The following STAG1 variants were observed in gnomAD, a reference collection of about 807,000 sequenced individuals.
STAG1 encodes STAG1 cohesin complex component, also known as cohesin subunit SA-1.
A neutral mutation model predicts 170.9 loss-of-function variants in STAG1; 26 were observed. The ratio of observed to expected loss-of-function variants is 0.15; its 90% confidence interval spans 0.11 to 0.21. STAG1 has a LOEUF of 0.21. Among genes scored for constraint, STAG1 ranks in the 10% least tolerant of loss-of-function variants. STAG1 has a pLI of 1.00. For missense variants in STAG1, 964 were observed against 1,509.5 expected (o/e 0.64, Z 5.99); for synonymous variants, 514 against 497.7 (o/e 1.03, Z -0.44).
intron 15 of STAG1, among the ~76,000 whole-genome samples, chr3:136,441,450 G>A (rs1559803203): frequency 6.6e-6 from 1 of 152,182 alleles, no homozygotes; most frequent in African/African-American, 2.4e-5. Flanking sequence ...AAAGGTCTGA[G>A]AAAAGTTTGG....
intron 12 of STAG1, among the ~76,000 whole-genome samples, chr3:136,469,349 CAGAG>C (rs1052678600): frequency 2.3e-4 from 35 of 152,056 alleles, no homozygotes; most frequent in African/African-American, 8.2e-4. Flanking sequence ...AACAGACAAA[CAGAG>C]AGCCAAATCA....
intron 1 of STAG1, among the ~76,000 whole-genome samples, chr3:136,712,231 T>C (rs1168661882): frequency 6.6e-6 from 1 of 152,128 alleles, no homozygotes; most frequent in Non-Finnish European, 1.5e-5. Flanking sequence ...TTAGCCAGGA[T>C]GGTCTCGATC....
chr3:136,349,454 T>A, intron 28 of STAG1, 91 bp from the exon 29 acceptor site: 2 of 903,816 alleles, frequency 2.2e-6, no homozygotes, highest in Non-Finnish European at 3.5e-6. Flanking sequence ...TTTCTGCAGG[T>A]TCTGAAGAAT....
At position 136,524,476 on chromosome 3, in the gene STAG1, C is replaced by A. The variant is rs1934882386; in HGVS notation, c.472-3059G>T. Among the ~76,000 whole-genome samples, 3 of 152,326 alleles carry A rather than the reference C, an allele frequency of 2.0e-5. No individual in the cohort carries two copies. In the South Asian group the frequency reaches 6.2e-4, roughly 32 times the overall value. ...CTGAGACTTTGCTGAAGTTGCTTATCAGCTTAAGGAGATTTTGGGCTGAGA... is the reference window on the plus strand; with the variant it reads ...CTGAGACTTTGCTGAAGTTGCTTATAAGCTTAAGGAGATTTTGGGCTGAGA... On this transcript the variant is annotated intron_variant, in intron 6 of 33. Coordinates refer to ENST00000383202, the MANE Select transcript of STAG1 (RefSeq NM_005862.3).
At chr3:136,470,519 C>T (rs554054888) in intron 12 of STAG1, among the ~76,000 whole-genome samples, 2 of 152,148 alleles carry the variant, frequency 1.3e-5, no homozygotes, top group Non-Finnish European at 2.9e-5. Flanking sequence ...GAAATAGGAA[C>T]ACTTTTACAC....
Position 136,422,758 on chromosome 3 carries a change from A to G in STAG1, c.1833+10T>C. Reference sequence around the variant, plus strand: ...ATAACAGCTGAATTTCAATTTCATAATATCATTACCTTTTCCATTCTACCT... The same window carrying G: ...ATAACAGCTGAATTTCAATTTCATAGTATCATTACCTTTTCCATTCTACCT... On this transcript the variant is annotated intron_variant, in intron 18 of 33. Coordinates refer to ENST00000383202, the MANE Select transcript of STAG1 (RefSeq NM_005862.3). 1 of 1,578,212 alleles carries G rather than the reference A, an allele frequency of 6.3e-7. No homozygotes were observed. The highest frequency in any genetic ancestry group is 2.2e-5 in the East Asian group (1 of 44,648).
chr3:136,723,995 C>G (rs1016526609), intron 1 of STAG1, among the ~76,000 whole-genome samples: 25 of 150,628 alleles, frequency 1.7e-4, no homozygotes, highest in Non-Finnish European at 3.4e-4. Flanking sequence ...GTCAGCCCCC[C>G]GCACAGCCAG....
At chr3:136,565,055 AGGGAGGGAGGG>A (rs1559882080) in intron 5 of STAG1, among the ~76,000 whole-genome samples, 14 of 3,822 alleles carry the variant, frequency 3.7e-3, no homozygotes, top group Admixed American at 3.1e-3. Flanking sequence ...GGAGGGAGGG[AGGGAGGGAGGG>A]AGGGAGGGAG....
intron 1 of STAG1, among the ~76,000 whole-genome samples, chr3:136,677,550 G>A (rs1202467101): frequency 1.3e-5 from 2 of 152,130 alleles, no homozygotes; most frequent in African/African-American, 4.8e-5. Flanking sequence ...AAATTATTAA[G>A]AGGTGGGGTC....
chr3:136,471,471 G>C (rs894177822), intron 12 of STAG1, among the ~76,000 whole-genome samples: 2 of 151,924 alleles, frequency 1.3e-5, no homozygotes, highest in African/African-American at 4.8e-5. Flanking sequence ...CCTATATTTA[G>C]AACATATATT....
chr3:136,484,102 C>G (rs2089948660), intron 9 of STAG1, among the ~76,000 whole-genome samples: 1 of 136,832 alleles, frequency 7.3e-6, no homozygotes, highest in South Asian at 2.5e-4. Flanking sequence ...CTCCATCCAG[C>G]TTTGTTCCGT....
At chr3:136,751,491 G>A (rs1045419870) in intron 1 of STAG1, among the ~76,000 whole-genome samples, 9 of 152,118 alleles carry the variant, frequency 5.9e-5, no homozygotes, top group African/African-American at 9.6e-5. Context: ...GCAAACTAGC[G>A]GGGCAGTGCT....
intron 1 of STAG1, among the ~76,000 whole-genome samples, chr3:136,686,919 G>A (rs1284075807): frequency 2.0e-5 from 3 of 152,128 alleles, no homozygotes; most frequent in Admixed American, 2.0e-4. Flanking sequence ...TTAAGCTGTG[G>A]AGTCAGCTAC....
intron 9 of STAG1, among the ~76,000 whole-genome samples, chr3:136,486,827 T>C (rs1338002331): frequency 1.3e-5 from 2 of 152,028 alleles, no homozygotes. Flanking sequence ...ACAACCAGTC[T>C]TACCTTTACG....
chr3:136,498,257 C>CACATATACAT (rs1553733396), intron 9 of STAG1, among the ~76,000 whole-genome samples: 1 of 83,676 alleles, frequency 1.2e-5, no homozygotes, highest in Non-Finnish European at 2.1e-5. Context: ...CATACACACA[C>CACATATACAT]ACACACACAC....
chr3:136,388,521 A>G (rs1022355139), intron 22 of STAG1, among the ~76,000 whole-genome samples: 1 of 152,052 alleles, frequency 6.6e-6, no homozygotes, highest in African/African-American at 2.4e-5. Context: ...GGCACACACC[A>G]CCACGCCCAG....
chr3:136,353,393 T>C (rs963419135), intron 28 of STAG1, among the ~76,000 whole-genome samples: 16 of 152,130 alleles, frequency 1.1e-4, no homozygotes, highest in African/African-American at 3.4e-4. Context: ...TGCAAAGAGA[T>C]GCACACATGG....
intron 1 of STAG1, among the ~76,000 whole-genome samples, chr3:136,667,639 G>A (rs964378788): frequency 2.0e-5 from 3 of 152,022 alleles, no homozygotes; most frequent in Non-Finnish European, 4.4e-5. Context: ...GGAGTTACAG[G>A]CACATGCCAC....
intron 22 of STAG1, among the ~76,000 whole-genome samples, chr3:136,385,732 C>T (rs2108319846): frequency 6.6e-6 from 1 of 152,214 alleles, no homozygotes; most frequent in South Asian, 2.1e-4. Flanking sequence ...GACAGGGTCT[C>T]ACTATGTCTC....
Sources: gnomAD v4.1 joint callset for allele counts (sites outside exome capture counted in the v4.1 genomes callset) on GRCh38, gnomAD v4.1.1 for gene constraint, MANE v1.5 for transcripts, NCBI Gene and HGNC (gene_info 2026-07-23, HGNC 2026-07-21) for gene names.